RPL21: variants seen among roughly 807,000 people sequenced by gnomAD.
The protein encoded by RPL21 is ribosomal protein L21.
A neutral mutation model predicts 21.2 loss-of-function variants in RPL21; 1 was observed. The ratio of observed to expected loss-of-function variants is 0.05; its 90% CI spans 0.02 to 0.22. RPL21 has a LOEUF of 0.22. RPL21 is among the 10% of genes least tolerant of loss of function. The pLI is 1.00. For synonymous variants in RPL21, 52 were observed against 62.9 expected (o/e 0.83, Z 0.82); for missense variants, 113 against 199.4 (o/e 0.57, Z 2.61).
intron 3 of RPL21, 163 bp from the exon 4 acceptor site, chr13:27,255,079 G>GT (rs371226307): frequency 1.8e-4 from 135 of 764,228 alleles, no homozygotes; most frequent in African/African-American, 1.1e-3. Flanking sequence ...AATGATGACT[G>GT]TTTTTTTTGA....
At chr13:27,251,977 T>A (rs1052607050) in intron 1 of RPL21, 1 of 152,348 alleles carries the variant, frequency 6.6e-6, no homozygotes, top group Admixed American at 6.5e-5. Flanking sequence ...CCTTTCTAAC[T>A]CCTTTCAGTG....
At chr13:27,254,199 A>T in intron 2 of RPL21, 21 bp from the exon 3 acceptor site, 2 of 1,505,822 alleles carry the variant, frequency 1.3e-6, no homozygotes, top group Non-Finnish European at 1.8e-6. Flanking sequence ...AATACTCACT[A>T]TACCAAATTT....
chr13:27,253,960 C>T (rs1408177401), intron 2 of RPL21, 117 bp downstream of exon 2: 3 of 754,490 alleles, frequency 4.0e-6, no homozygotes, highest in Non-Finnish European at 7.2e-6. Flanking sequence ...TAGCGTCTAC[C>T]CAGCTTATTT....
At chr13:27,255,001 A>C in intron 3 of RPL21, 1 of 684,314 alleles carries the variant, frequency 1.5e-6, no homozygotes, top group South Asian at 1.5e-5. Flanking sequence ...ACTATGATTA[A>C]AAACCCTCCT....
chr13:27,256,203 A>G lies in RPL21; in HGVS notation c.262A>G (p.Arg88Gly), dbSNP rs1881893998. Residue 88 changes from arginine (R) to glycine (G), a missense_variant, in exon 5 of 6, where the codon AGA becomes GGA. Transcript: ENST00000311549. ...GTCCAGGGGCAAGATTCTTGCCAAG[A>G]GAATTAATGTGCGTATTGAGCACAT... ...KQVKGKILAK[R>G]INVRIEHIKH... 6.3e-7 allele frequency: 1 copy of G among 1,595,044 alleles called. No homozygotes were observed. The highest frequency in any genetic ancestry group is 1.3e-5 in the African/African-American group (1 of 74,484).
Position 27,255,229 on chromosome 13 carries a change from G to A in RPL21, c.130-13G>A, listed in dbSNP as rs371660516. On this transcript the variant is annotated splice_polypyrimidine_tract_variant and intron_variant, in intron 3 of 5. Transcript: ENST00000311549. ...GGGGAAATGCTGGTATATAACATTG[G>A]TTTCTTTAATAGGGAATGGGTACTG... 2.2e-5 allele frequency: 23 copies of A among 1,066,004 alleles called. No homozygotes were observed. The African/African-American group carries it at 3.1e-4, about 14-fold the overall frequency. The allele number at this position is 1,066,004 out of a possible 1,614,324, so 66.0% of individuals were successfully genotyped here. A position where few individuals can be genotyped will look rare whatever the true frequency, so the allele number is the denominator to read the frequency against.
At chr13:27,255,108 A>G in intron 3 of RPL21, 134 bp from the exon 4 acceptor site, 1 of 774,762 alleles carries the variant, frequency 1.3e-6, no homozygotes, top group Non-Finnish European at 2.4e-6. Flanking sequence ...AGCAATGTGA[A>G]AAACACATTT....
intron 3 of RPL21, chr13:27,254,890 CAGCT>C (rs1339443556): frequency 2.5e-6 from 1 of 395,840 alleles, no homozygotes; most frequent in African/African-American, 2.1e-5. Context: ...TTGGAGTTAA[CAGCT>C]AGTGGAAATT....
At chr13:27,255,192 AT>A (rs56301318) in intron 3 of RPL21, 49 bp from the exon 4 acceptor site, 11 of 831,976 alleles carry the variant, frequency 1.3e-5, no homozygotes, top group Non-Finnish European at 2.4e-5. Flanking sequence ...TAAAGTCAGA[AT>A]TTTAAAGGAA....
Position 27,255,271 on chromosome 13 carries a change from C to T in RPL21, c.159C>T (p.Pro53=), listed in dbSNP as rs61738475. ...TGGGTACTGTTCAAAAAGGAATGCC[C>T]CACAAGTGTTACCATGGCAAAACTG... is the stretch of plus-strand genomic sequence containing the variant. ...KGMGTVQKGM[P]HKCYHGKTGR... Residue 53 remains proline, a synonymous_variant, in exon 4 of 6, where the codon CCC becomes CCT. Coordinates refer to ENST00000311549, the MANE Select transcript of RPL21 (RefSeq NM_000982.4). 3.0e-3 allele frequency: 4,405 copies of T among 1,446,834 alleles called. 108 individuals are homozygous for T. In the African/African-American group the frequency reaches 0.053, roughly 18 times the overall value. 89.6% of individuals were successfully genotyped at this position (1,446,834 alleles called of 1,614,324 possible). A position where few individuals can be genotyped will look rare whatever the true frequency, so the allele number is the denominator to read the frequency against.
At chr13:27,255,393 C>A in intron 4 of RPL21, 39 bp downstream of exon 4, 1 of 827,310 alleles carries the variant, frequency 1.2e-6, no homozygotes. Context: ...AACCAGTATT[C>A]CCTCATATAC....
chr13:27,255,744 T>G, intron 4 of RPL21: 1 of 359,324 alleles, frequency 2.8e-6, no homozygotes, highest in East Asian at 7.3e-5. Flanking sequence ...GCTAAATTTT[T>G]TGTATTCTTA....
intron 1 of RPL21, among the ~76,000 whole-genome samples, chr13:27,252,993 T>A (rs765661200): frequency 1.1e-4 from 16 of 152,210 alleles, no homozygotes; most frequent in Non-Finnish European, 2.1e-4. Context: ...AAAGGAAAGG[T>A]TAATTTCTAA....
At chr13:27,252,204 A>G (rs1048462228) in intron 1 of RPL21, among the ~76,000 whole-genome samples, 4 of 152,142 alleles carry the variant, frequency 2.6e-5, no homozygotes, top group Admixed American at 2.0e-4. Flanking sequence ...TGTTTTTAAA[A>G]TTTTGACCCC....
intron 2 of RPL21, 59 bp from the exon 3 acceptor site, chr13:27,254,161 A>G (rs907372010): frequency 1.0e-5 from 11 of 1,055,976 alleles, no homozygotes; most frequent in Non-Finnish European, 1.6e-5. Flanking sequence ...GTAAAATTGC[A>G]TTTCTTTTAC....
At chr13:27,255,406 C>T (rs995064148) in intron 4 of RPL21, 52 bp downstream of exon 4, 4 of 809,552 alleles carry the variant, frequency 4.9e-6, no homozygotes, top group Non-Finnish European at 9.0e-6. Context: ...TCATATACCC[C>T]CTTTTCACTT....
At position 27,255,175 on chromosome 13, in the gene RPL21, A is replaced by G. The variant is rs923696408; in HGVS notation, c.130-67A>G. 2.5e-5 allele frequency: 20 copies of G among 795,074 alleles called. 1 individual carries two copies. The highest frequency in any genetic ancestry group is 4.6e-6 in the Non-Finnish European group (2 of 431,494). 49.3% of individuals were successfully genotyped at this position (795,074 alleles called of 1,614,324 possible). A position where few individuals can be genotyped will look rare whatever the true frequency, so the allele number is the denominator to read the frequency against. ...TGAAAGAAATCTTAGAATACTTTGC[A>G]GTTACTTAAAGTCAGAATTTTAAAG... On this transcript the variant is annotated intron_variant, in intron 3 of 5. Transcript: ENST00000311549.
At chr13:27,253,673 TC>T in intron 1 of RPL21, 91 bp from the exon 2 acceptor site, 1 of 749,700 alleles carries the variant, frequency 1.3e-6, no homozygotes, top group Non-Finnish European at 2.5e-6. Flanking sequence ...AGTTCTCACT[TC>T]GCTACTGAAA....
chr13:27,254,743 G>C (rs544568934), intron 3 of RPL21, among the ~76,000 whole-genome samples: 1 of 152,180 alleles, frequency 6.6e-6, no homozygotes, highest in South Asian at 2.1e-4. Flanking sequence ...GGCTGGTCTT[G>C]AACACCTCGG....
Sources: allele counts gnomAD v4.1 joint callset (sites outside exome capture counted in the v4.1 genomes callset), GRCh38; gene constraint gnomAD v4.1.1; transcripts MANE v1.5; gene names NCBI Gene and HGNC (gene_info 2026-07-23, HGNC 2026-07-21).